The following HPSE2 variants were observed in gnomAD, a reference collection of about 807,000 sequenced individuals.
HPSE2 encodes heparanase 2 (inactive), also known as inactive heparanase-2.
Under a neutral mutation model 60.5 loss-of-function variants are expected in HPSE2, and 38 were observed. The ratio of observed to expected loss-of-function variants is 0.63; its 90% CI spans 0.48 to 0.82. The LOEUF is 0.82. Among genes scored for constraint, HPSE2 ranks in the 40% least tolerant of loss-of-function variants. HPSE2 has a pLI of 0.00. For missense variants in HPSE2, 713 were observed against 740.4 expected (o/e 0.96, Z 0.43); for synonymous variants, 295 against 293.2 (o/e 1.01, Z -0.06).
chr10:99,250,982 G>T, the HPSE2 span, among the ~76,000 whole-genome samples: 6 of 152,142 alleles, frequency 3.9e-5, no homozygotes, highest in Admixed American at 1.3e-4. Flanking sequence ...GCTAGCAGAA[G>T]AAAAGAAATA....
At chr10:99,177,860 C>T (rs539441158) in intron 2 of HPSE2, among the ~76,000 whole-genome samples, 10 of 152,214 alleles carry the variant, frequency 6.6e-5, no homozygotes, top group South Asian at 2.1e-4. Flanking sequence ...AAATTGACCA[C>T]ATAATTGGAA....
chr10:98,500,642 CA>C (rs574892637), intron 9 of HPSE2, among the ~76,000 whole-genome samples: 2 of 151,986 alleles, frequency 1.3e-5, no homozygotes, highest in African/African-American at 2.4e-5. Context: ...AAACCAAACC[CA>C]AACCCAAAAG....
intron 2 of HPSE2, among the ~76,000 whole-genome samples, chr10:99,229,511 T>C (rs1355096764): frequency 6.6e-6 from 1 of 152,200 alleles, no homozygotes; most frequent in Non-Finnish European, 1.5e-5. Flanking sequence ...CTTATAGTGT[T>C]GTGCAGTCAA....
At chr10:98,989,154 C>T (rs1039887977) in intron 3 of HPSE2, among the ~76,000 whole-genome samples, 12 of 152,090 alleles carry the variant, frequency 7.9e-5, no homozygotes, top group African/African-American at 2.9e-4. Flanking sequence ...GGGTATATAT[C>T]CAAAGGATTA....
chr10:98,917,883 G>A (rs1954166311), intron 3 of HPSE2, among the ~76,000 whole-genome samples: 1 of 152,168 alleles, frequency 6.6e-6, no homozygotes, highest in Admixed American at 6.5e-5. Context: ...TTAATGAAGA[G>A]CCAGCATACA....
chr10:98,810,020 C>T (rs997955377), intron 3 of HPSE2, among the ~76,000 whole-genome samples: 3 of 152,022 alleles, frequency 2.0e-5, no homozygotes, highest in African/African-American at 7.2e-5. Flanking sequence ...AAATCATGAT[C>T]GAAGTCAATT....
At chr10:98,714,746 T>G (rs1948752171) in intron 5 of HPSE2, among the ~76,000 whole-genome samples, 1 of 151,948 alleles carries the variant, frequency 6.6e-6, no homozygotes, top group Admixed American at 6.6e-5. Flanking sequence ...ACATTTTAAG[T>G]AATTGCCAGA....
At chr10:98,539,726 C>T (rs1943400328) in intron 9 of HPSE2, among the ~76,000 whole-genome samples, 1 of 152,060 alleles carries the variant, frequency 6.6e-6, no homozygotes, top group South Asian at 2.1e-4. Context: ...TCTTCACTCT[C>T]CCTCTGATTG....
intron 3 of HPSE2, among the ~76,000 whole-genome samples, chr10:98,931,936 C>G (rs1354867324): frequency 7.0e-6 from 1 of 143,642 alleles, no homozygotes; most frequent in Non-Finnish European, 1.5e-5. Context: ...GACTTCCTCT[C>G]TTCCTATTTG....
chr10:98,959,874 A>T (rs1035391449), intron 3 of HPSE2, among the ~76,000 whole-genome samples: 1 of 152,144 alleles, frequency 6.6e-6, no homozygotes, highest in Non-Finnish European at 1.5e-5. Context: ...AATAAGAGCA[A>T]GTATCCCTCC....
chr10:98,823,395 G>A (rs1951467724), intron 3 of HPSE2, among the ~76,000 whole-genome samples: 1 of 152,176 alleles, frequency 6.6e-6, no homozygotes, highest in Non-Finnish European at 1.5e-5. Flanking sequence ...AAGGCAGGAG[G>A]ACTGCTTGAG....
At chr10:98,566,468 G>A (rs887458942) in intron 9 of HPSE2, among the ~76,000 whole-genome samples, 2 of 152,160 alleles carry the variant, frequency 1.3e-5, no homozygotes, top group Non-Finnish European at 2.9e-5. Context: ...CCTTTCTAGT[G>A]GCCTTCAAGC....
At position 98,470,016 on chromosome 10, in the gene HPSE2, G is replaced by A. The variant is rs1940710231; in HGVS notation, c.1614-10277C>T. ...GGACCAGGTTTCCCCAGTCCTAATT[G>A]TGTGGAGCTGGAGGAGAGAATGTGG... is the stretch of plus-strand genomic sequence containing the variant. On this transcript the variant is annotated intron_variant, in intron 11 of 11. Coordinates refer to ENST00000370552, the MANE Select transcript of HPSE2 (RefSeq NM_021828.5). Among the ~76,000 whole-genome samples the A allele has an allele frequency of 2.0e-5, 3 of 152,192 alleles. No individual in the cohort carries two copies. In the South Asian group the frequency reaches 6.2e-4, roughly 31 times the overall value.
chr10:99,289,229 A>C, the HPSE2 span, among the ~76,000 whole-genome samples: 2 of 152,184 alleles, frequency 1.3e-5, no homozygotes, highest in East Asian at 3.8e-4. Context: ...TAAATAAGGT[A>C]AAGTCTCTAA....
At chr10:99,146,499 T>C (rs1473221872) in intron 2 of HPSE2, among the ~76,000 whole-genome samples, 2 of 152,234 alleles carry the variant, frequency 1.3e-5, no homozygotes, top group African/African-American at 4.8e-5. Context: ...GTCCCTCCTA[T>C]TCTCTATGTC....
chr10:99,234,925 G>A (rs1849788661), intron 1 of HPSE2, among the ~76,000 whole-genome samples: 1 of 152,034 alleles, frequency 6.6e-6, no homozygotes, highest in Non-Finnish European at 1.5e-5. Context: ...AAATGACAGC[G>A]GAGGATATAA....
At chr10:98,880,745 G>C (rs1378136079) in intron 3 of HPSE2, among the ~76,000 whole-genome samples, 8 of 152,038 alleles carry the variant, frequency 5.3e-5, no homozygotes, top group Admixed American at 5.3e-4. Context: ...AGATGAGAAG[G>C]AGACTTATTT....
chr10:99,065,135 G>A (rs888769884), intron 3 of HPSE2, among the ~76,000 whole-genome samples: 1 of 151,788 alleles, frequency 6.6e-6, no homozygotes, highest in Non-Finnish European at 1.5e-5. Context: ...TTTCTCTCTG[G>A]TACAAGACCA....
intron 6 of HPSE2, among the ~76,000 whole-genome samples, chr10:98,643,436 A>G (rs1465051413): frequency 2.0e-5 from 3 of 152,256 alleles, no homozygotes; most frequent in Middle Eastern, 3.2e-3. Context: ...ATAGAACACT[A>G]TAACAGTGGA....
Sources: gnomAD v4.1 joint callset for allele counts (sites outside exome capture counted in the v4.1 genomes callset) on GRCh38, gnomAD v4.1.1 for gene constraint, MANE v1.5 for transcripts, NCBI Gene and HGNC (gene_info 2026-07-23, HGNC 2026-07-21) for gene names.